The following ARHGAP26 variants were observed in gnomAD, a reference collection of about 807,000 sequenced individuals.
ARHGAP26 encodes the protein rho GTPase-activating protein 26.
A neutral mutation model predicts 104.8 loss-of-function variants in ARHGAP26; 38 were observed. That is an observed-to-expected ratio of 0.36 (90% CI 0.28 to 0.48). ARHGAP26 has a LOEUF of 0.48. ARHGAP26 is among the 20% of genes least tolerant of loss of function. The pLI, the probability that ARHGAP26 is intolerant of heterozygous loss-of-function variation, is 0.99. For missense variants in ARHGAP26, 704 were observed against 947.9 expected (o/e 0.74, Z 3.38); for synonymous variants, 341 against 340.0 (o/e 1.00, Z -0.03).
chr5:142,931,985 C>T (rs1764796439), intron 10 of ARHGAP26, 62 bp from the exon 11 acceptor site: 1 of 1,475,460 alleles, frequency 6.8e-7, no homozygotes, highest in African/African-American at 1.4e-5. Context: ...TTAAGATTTG[C>T]CTTCACCAAT....
chr5:142,816,931 G>A (rs544798661), intron 1 of ARHGAP26, among the ~76,000 whole-genome samples: 20 of 152,234 alleles, frequency 1.3e-4, no homozygotes, highest in African/African-American at 4.1e-4. Context: ...CAGAGTGTGG[G>A]AAGAAGAGGG....
At chr5:142,804,861 G>A (rs1489261911) in intron 1 of ARHGAP26, among the ~76,000 whole-genome samples, 2 of 151,884 alleles carry the variant, frequency 1.3e-5, no homozygotes, top group Admixed American at 1.3e-4. Flanking sequence ...AGTGAATTCT[G>A]CTCTCACCAT....
intron 17 of ARHGAP26, among the ~76,000 whole-genome samples, chr5:143,113,537 A>G (rs1330118990): frequency 6.6e-6 from 1 of 151,970 alleles, no homozygotes; most frequent in Non-Finnish European, 1.5e-5. Flanking sequence ...TCCTCTCTCA[A>G]TCTTACAGGG....
chr5:142,796,631 T>C (rs965552667), intron 1 of ARHGAP26, among the ~76,000 whole-genome samples: 2 of 152,212 alleles, frequency 1.3e-5, no homozygotes, highest in Non-Finnish European at 2.9e-5. Context: ...TGCTAGCCCT[T>C]TTAGGATAAA....
At chr5:143,077,994 T>G (rs1428475198) in intron 17 of ARHGAP26, among the ~76,000 whole-genome samples, 3 of 152,216 alleles carry the variant, frequency 2.0e-5, no homozygotes, top group African/African-American at 7.2e-5. Flanking sequence ...AGTTCATCTC[T>G]GCATGCCCTC....
intron 5 of ARHGAP26, among the ~76,000 whole-genome samples, chr5:142,887,462 G>A (rs1757876032): frequency 1.3e-5 from 2 of 152,204 alleles, no homozygotes; most frequent in South Asian, 4.1e-4. Context: ...TATAAAATGT[G>A]TAAATATCCT....
chr5:143,173,131 G>A (rs1803007518), intron 20 of ARHGAP26: 2 of 169,868 alleles, frequency 1.2e-5, no homozygotes, highest in African/African-American at 4.8e-5. Flanking sequence ...GGGACACTGA[G>A]CCTCACCCTC....
At chr5:143,021,824 G>T (rs1780378855) in intron 12 of ARHGAP26, among the ~76,000 whole-genome samples, 1 of 152,208 alleles carries the variant, frequency 6.6e-6, no homozygotes, top group African/African-American at 2.4e-5. Context: ...GAAAGGAAAA[G>T]CCAGCTGGAT....
At chr5:143,080,123 T>G (rs952765492) in intron 17 of ARHGAP26, among the ~76,000 whole-genome samples, 1 of 152,202 alleles carries the variant, frequency 6.6e-6, no homozygotes, top group African/African-American at 2.4e-5. Flanking sequence ...TATGTAGGAC[T>G]GCTAGGAGCC....
chr5:143,159,924 A>AT (rs199761987), intron 20 of ARHGAP26, among the ~76,000 whole-genome samples: 40,267 of 148,560 alleles, frequency 0.27, 5,386 homozygotes, highest in Non-Finnish European at 0.28. Flanking sequence ...GTGGTATGGG[A>AT]TTTTTTTTTT....
chr5:142,787,886 G>T (rs937990729), intron 1 of ARHGAP26, among the ~76,000 whole-genome samples: 9 of 152,014 alleles, frequency 5.9e-5, no homozygotes, highest in Non-Finnish European at 1.2e-4. Flanking sequence ...GTTTTTGGTG[G>T]CTACATAATA....
intron 20 of ARHGAP26, chr5:143,169,903 C>T (rs897374977): frequency 6.6e-6 from 1 of 152,160 alleles, no homozygotes; most frequent in Non-Finnish European, 1.5e-5. Context: ...AAAATATCCC[C>T]TTTTTTCAGT....
At chr5:143,018,693 G>A (rs918359703) in intron 12 of ARHGAP26, among the ~76,000 whole-genome samples, 7 of 152,114 alleles carry the variant, frequency 4.6e-5, no homozygotes, top group African/African-American at 1.4e-4. Context: ...GGTTTTTTGT[G>A]TAGCTGTTTT....
chr5:143,158,630 C>A (rs1241461146), intron 20 of ARHGAP26, among the ~76,000 whole-genome samples: 4 of 152,200 alleles, frequency 2.6e-5, no homozygotes, highest in Admixed American at 6.5e-5. Context: ...CTATCAAATT[C>A]TCTTCTAATA....
At chr5:143,075,280 T>G (rs185836116) in intron 17 of ARHGAP26, among the ~76,000 whole-genome samples, 91 of 151,148 alleles carry the variant, frequency 6.0e-4, no homozygotes, top group African/African-American at 2.1e-3. Flanking sequence ...TTATGTATAG[T>G]GATTTTAGTT....
chr5:142,983,444 G>A (rs1483550750), intron 11 of ARHGAP26, among the ~76,000 whole-genome samples: 1 of 152,182 alleles, frequency 6.6e-6, no homozygotes, highest in Non-Finnish European at 1.5e-5. Context: ...GACCTCAAGT[G>A]ATCTGCCCTC....
intron 10 of ARHGAP26, among the ~76,000 whole-genome samples, chr5:142,914,726 T>C (rs1251620212): frequency 1.3e-5 from 2 of 152,224 alleles, no homozygotes; most frequent in East Asian, 3.9e-4. Context: ...TGAACTGGGG[T>C]AGCAAAGGGG....
intron 5 of ARHGAP26, among the ~76,000 whole-genome samples, chr5:142,887,622 T>C (rs1757906291): frequency 6.6e-6 from 1 of 152,232 alleles, no homozygotes; most frequent in Non-Finnish European, 1.5e-5. Flanking sequence ...TCACACTTTC[T>C]AAGTACTTTG....
intron 17 of ARHGAP26, among the ~76,000 whole-genome samples, chr5:143,063,191 A>G (rs73796547): frequency 0.043 from 6,571 of 152,066 alleles, 493 homozygotes; most frequent in African/African-American, 0.15. Context: ...ACTGACTCCC[A>G]CCGGGAACTC....
Sources: gnomAD v4.1 joint callset for allele counts (sites outside exome capture counted in the v4.1 genomes callset) on GRCh38, gnomAD v4.1.1 for gene constraint, MANE v1.5 for transcripts, NCBI Gene and HGNC (gene_info 2026-07-23, HGNC 2026-07-21) for gene names.